The following MACROD2 variants were observed in gnomAD, a reference collection of about 807,000 sequenced individuals.
MACROD2 encodes the protein mono-ADP ribosylhydrolase 2, also known as ADP-ribose glycohydrolase MACROD2.
Under a neutral mutation model 70.4 loss-of-function variants are expected in MACROD2, and 36 were observed. The ratio of observed to expected loss-of-function variants is 0.51; its 90% CI spans 0.39 to 0.68. The LOEUF (loss-of-function observed/expected upper bound fraction) is 0.68. Ranked by LOEUF, MACROD2 falls within the 30% of genes least tolerant of loss-of-function variation. The pLI, the probability that MACROD2 is intolerant of heterozygous loss-of-function variation, is 0.00. For synonymous variants in MACROD2, 172 were observed against 178.8 expected (o/e 0.96, Z 0.30); for missense variants, 496 against 538.4 (o/e 0.92, Z 0.78).
At chr20:15,850,541 G>A (rs2064285772) in intron 8 of MACROD2, among the ~76,000 whole-genome samples, 1 of 152,212 alleles carries the variant, frequency 6.6e-6, no homozygotes, top group African/African-American at 2.4e-5. Context: ...TTATGGATTT[G>A]CTAACAAACC....
At chr20:15,430,069 G>T (rs566691311) in intron 6 of MACROD2, among the ~76,000 whole-genome samples, 1 of 152,092 alleles carries the variant, frequency 6.6e-6, no homozygotes, top group African/African-American at 2.4e-5. Flanking sequence ...ATGGTCTCTA[G>T]TTCCATCTAT....
At chr20:14,595,826 A>G (rs1033520028) in intron 4 of MACROD2, among the ~76,000 whole-genome samples, 2 of 152,204 alleles carry the variant, frequency 1.3e-5, no homozygotes, top group Non-Finnish European at 2.9e-5. Context: ...TGTAATCTTT[A>G]TATTGTATAC....
intron 6 of MACROD2, among the ~76,000 whole-genome samples, chr20:15,274,900 G>A (rs1292421113): frequency 6.6e-6 from 1 of 152,218 alleles, no homozygotes; most frequent in African/African-American, 2.4e-5. Context: ...CCTGGAAGAA[G>A]TACCACTGGA....
At chr20:15,503,392 C>A (rs748972308) in intron 8 of MACROD2, among the ~76,000 whole-genome samples, 1 of 152,074 alleles carries the variant, frequency 6.6e-6, no homozygotes, top group African/African-American at 2.4e-5. Flanking sequence ...AAAGAAAGAC[C>A]GGGTGATATT....
At chr20:14,713,210 T>C (rs1875570362) in intron 5 of MACROD2, among the ~76,000 whole-genome samples, 2 of 152,138 alleles carry the variant, frequency 1.3e-5, no homozygotes. Context: ...CACTTTTCTT[T>C]TAATACCAAT....
intron 2 of MACROD2, chr20:14,052,023 ATTC>A (rs775414991): frequency 6.6e-6 from 3 of 455,812 alleles, no homozygotes; most frequent in East Asian, 6.2e-5. Flanking sequence ...TCTTACAGGT[ATTC>A]TTCTTACATA....
intron 5 of MACROD2, among the ~76,000 whole-genome samples, chr20:14,884,015 A>G (rs1280799279): frequency 6.6e-6 from 1 of 152,214 alleles, no homozygotes; most frequent in African/African-American, 2.4e-5. Context: ...TTCTCTGGTT[A>G]GTTTGGATCA....
chr20:14,342,225 T>C (rs1326186757), intron 3 of MACROD2, among the ~76,000 whole-genome samples: 1 of 152,154 alleles, frequency 6.6e-6, no homozygotes, highest in Non-Finnish European at 1.5e-5. Context: ...GAAAATGGGG[T>C]ACTCTTAGGT....
In MACROD2 at chr20:15,162,284, A is replaced by G. The variant is rs1486663801; in HGVS notation, c.419-67656A>G. ...GAGTGGTAAGTAAGAGCTGAGGCTCAGGATGACTTGAAGGCATTGTGAAAA... is the reference window on the plus strand; with the variant it reads ...GAGTGGTAAGTAAGAGCTGAGGCTCGGGATGACTTGAAGGCATTGTGAAAA... On this transcript the variant is annotated intron_variant, in intron 5 of 17. Transcript: ENST00000684519. Among the ~76,000 whole-genome samples, 6 of 152,082 alleles carry G rather than the reference A, an allele frequency of 3.9e-5. No homozygotes were observed. The East Asian group carries it at 1.2e-3, about 29-fold the overall frequency.
chr20:14,524,994 ATTTTCTTATCTTTATG>A (rs1330224178), intron 4 of MACROD2, among the ~76,000 whole-genome samples: 1 of 152,098 alleles, frequency 6.6e-6, no homozygotes, highest in East Asian at 1.9e-4. Flanking sequence ...AAGAGCCCCC[ATTTTCTTATCTTTATG>A]TTGAAAACGC....
chr20:15,099,968 A>C (rs1486087306), intron 5 of MACROD2, among the ~76,000 whole-genome samples: 1 of 152,150 alleles, frequency 6.6e-6, no homozygotes, highest in Non-Finnish European at 1.5e-5. Context: ...AAAGAAAAAA[A>C]AAGAAATGGG....
intron 5 of MACROD2, among the ~76,000 whole-genome samples, chr20:15,207,639 C>T (rs1346306018): frequency 1.3e-5 from 2 of 151,772 alleles, no homozygotes; most frequent in East Asian, 1.9e-4. Context: ...GACGGGGTTT[C>T]ACCGTGTTAG....
intron 3 of MACROD2, among the ~76,000 whole-genome samples, chr20:14,351,660 C>G (rs765310522): frequency 5.9e-5 from 9 of 152,128 alleles, no homozygotes; most frequent in Non-Finnish European, 1.3e-4. Context: ...TTTTTCCAAA[C>G]ATAAGATCAT....
intron 5 of MACROD2, among the ~76,000 whole-genome samples, chr20:15,194,579 A>T (rs942306150): frequency 6.6e-6 from 1 of 152,102 alleles, no homozygotes; most frequent in Non-Finnish European, 1.5e-5. Flanking sequence ...AATAATATGT[A>T]TATATTATTA....
chr20:14,215,478 G>A (rs1232401252), intron 3 of MACROD2, among the ~76,000 whole-genome samples: 1 of 151,868 alleles, frequency 6.6e-6, no homozygotes, highest in East Asian at 1.9e-4. Context: ...ACATGTTTAA[G>A]TATCTTTTTC....
chr20:15,748,842 A>G (rs1218642315), intron 8 of MACROD2, among the ~76,000 whole-genome samples: 2 of 152,118 alleles, frequency 1.3e-5, no homozygotes, highest in Non-Finnish European at 2.9e-5. Context: ...AAACACGTAT[A>G]TACTGTGTGG....
chr20:15,245,514 T>A (rs923419148), intron 6 of MACROD2, among the ~76,000 whole-genome samples: 2 of 152,190 alleles, frequency 1.3e-5, no homozygotes, highest in Non-Finnish European at 2.9e-5. Flanking sequence ...AAATAATAAT[T>A]CAATGATGCC....
chr20:15,770,970 G>A (rs951932352), intron 8 of MACROD2, among the ~76,000 whole-genome samples: 4 of 152,134 alleles, frequency 2.6e-5, no homozygotes, highest in African/African-American at 4.8e-5. Flanking sequence ...AGGAATGAGA[G>A]TGTGTTCTGT....
chr20:14,345,536 TTAC>T (rs2083055185), intron 3 of MACROD2, among the ~76,000 whole-genome samples: 1 of 152,026 alleles, frequency 6.6e-6, no homozygotes, highest in Non-Finnish European at 1.5e-5. Context: ...AGATGGAGTC[TTAC>T]TCTATCGCCT....
Sources: allele counts gnomAD v4.1 joint callset (sites outside exome capture counted in the v4.1 genomes callset), GRCh38; gene constraint gnomAD v4.1.1; transcripts MANE v1.5; gene names NCBI Gene and HGNC (gene_info 2026-07-23, HGNC 2026-07-21).